Variants in SORCS3 observed in about 807,000 individuals in gnomAD.
SORCS3 encodes the protein sortilin related VPS10 domain containing receptor 3.
SORCS3 carries 57 observed loss-of-function variants against 146.3 expected under a neutral mutation model. That is an observed-to-expected ratio of 0.39 (90% CI 0.31 to 0.49). SORCS3 has a LOEUF of 0.49. Ranked by LOEUF, SORCS3 falls within the 20% of genes least tolerant of loss-of-function variation. The pLI is 0.92. For missense variants in SORCS3, 1,341 were observed against 1,575.5 expected, an observed-to-expected ratio of 0.85 and a Z score of 2.52; for synonymous variants, 653 against 618.5, an observed-to-expected ratio of 1.06 and a Z score of -0.83.
At chr10:105,257,802 C>G (rs2056940075) in intron 25 of SORCS3, among the ~76,000 whole-genome samples, 1 of 152,156 alleles carries the variant, frequency 6.6e-6, no homozygotes, top group Non-Finnish European at 1.5e-5. Flanking sequence ...AAAAGCTATG[C>G]TATTATAAAT....
At chr10:105,046,583 T>C (rs988179237) in intron 5 of SORCS3, among the ~76,000 whole-genome samples, 2 of 152,150 alleles carry the variant, frequency 1.3e-5, no homozygotes, top group African/African-American at 4.8e-5. Flanking sequence ...TGTAAGGAGT[T>C]ATCATTATTA....
rs1359996431 is a variant in SORCS3 at position 104,641,695 on chromosome 10, C to T, written c.368C>T (p.Ala123Val). 4 of 1,534,922 alleles carry T rather than the reference C, an allele frequency of 2.6e-6. No individual in the cohort carries two copies. In the Admixed American group the frequency reaches 7.9e-5, roughly 30 times the overall value. ...ERRGRGIPAP[A>V]KLGGARRSRR... is the part of the protein sequence containing the mutation. Reference sequence around the variant, plus strand: ...CGGGGCCGGGGCATCCCAGCTCCTGCCAAGCTTGGCGGCGCGAGGAGGAGT... The same window carrying T: ...CGGGGCCGGGGCATCCCAGCTCCTGTCAAGCTTGGCGGCGCGAGGAGGAGT... Residue 123 changes from alanine (A) to valine (V), a missense_variant, in exon 1 of 27, where the codon GCC becomes GTC. Coordinates refer to ENST00000369701, the MANE Select transcript of SORCS3 (RefSeq NM_014978.3). The surrounding 1 kb of genome is among the most constrained non-coding windows in gnomAD (Gnocchi z 6.4).
chr10:104,658,384 G>C (rs2133245449), intron 1 of SORCS3, among the ~76,000 whole-genome samples: 1 of 152,338 alleles, frequency 6.6e-6, no homozygotes. Context: ...GGTCCTACCT[G>C]TAGATGAAAT....
Position 105,255,783 on chromosome 10 carries a change from G to T in SORCS3, c.3319G>T (p.Val1107Phe). The part of the protein sequence containing the change: ...LKPGVQVIVY[V>F]TQLTLAPLVD... ...GCCGGGGGTACAAGTCATTGTGTAT[G>T]TCACACAGCTGACGTTAGGTGAGTG... Residue 1107 changes from valine to phenylalanine, a missense_variant, in exon 24 of 27, where the codon GTC (valine) becomes TTC (phenylalanine). Val to Phe is a conservative substitution (Grantham distance 50). Coordinates refer to ENST00000369701, the MANE Select transcript of SORCS3 (RefSeq NM_014978.3). 6.2e-7 allele frequency: 1 copy of T among 1,613,506 alleles called. No individual in the cohort carries two copies. The highest frequency in any genetic ancestry group is 8.5e-7 in the Non-Finnish European group (1 of 1,179,690).
intron 1 of SORCS3, among the ~76,000 whole-genome samples, chr10:104,774,535 C>T (rs562638210): frequency 2.6e-5 from 4 of 152,154 alleles, no homozygotes; most frequent in Non-Finnish European, 4.4e-5. Context: ...ATGGCTTTCG[C>T]GGGTGATTAA....
At chr10:104,647,451 A>G (rs1795150924) in intron 1 of SORCS3, among the ~76,000 whole-genome samples, 1 of 152,224 alleles carries the variant, frequency 6.6e-6, no homozygotes, top group Non-Finnish European at 1.5e-5. Flanking sequence ...TGCAGAGTGC[A>G]CCACACATTT....
chr10:105,102,424 T>G (rs1589633556), intron 6 of SORCS3, among the ~76,000 whole-genome samples: 1 of 152,020 alleles, frequency 6.6e-6, no homozygotes, highest in Admixed American at 6.6e-5. Context: ...AAACTAACAC[T>G]GGAACAGAAA....
At chr10:104,655,620 C>G (rs1442344873) in intron 1 of SORCS3, among the ~76,000 whole-genome samples, 1 of 152,114 alleles carries the variant, frequency 6.6e-6, no homozygotes, top group Non-Finnish European at 1.5e-5. Context: ...AAATTGTAAT[C>G]CCCATTGTTG....
At chr10:105,234,400 T>G (rs749842208) in intron 20 of SORCS3, among the ~76,000 whole-genome samples, 86 of 152,178 alleles carry the variant, frequency 5.7e-4, no homozygotes, top group Non-Finnish European at 1.1e-3. Flanking sequence ...CTCTGAGTTT[T>G]GAGTGTCTGT....
intron 19 of SORCS3, among the ~76,000 whole-genome samples, chr10:105,222,171 G>C (rs2056707599): frequency 6.8e-6 from 1 of 146,596 alleles, no homozygotes; most frequent in African/African-American, 2.5e-5. Flanking sequence ...TGATTCTCCT[G>C]CCTCAGCCTC....
At chr10:104,716,729 C>T (rs973110968) in intron 1 of SORCS3, among the ~76,000 whole-genome samples, 4 of 152,142 alleles carry the variant, frequency 2.6e-5, no homozygotes, top group Non-Finnish European at 4.4e-5. Flanking sequence ...TGGTTGTCTG[C>T]GGAATGTTTT....
chr10:104,667,910 T>C (rs1401774635), intron 1 of SORCS3, among the ~76,000 whole-genome samples: 1 of 152,228 alleles, frequency 6.6e-6, no homozygotes, highest in Non-Finnish European at 1.5e-5. Context: ...TGGTGCCCCA[T>C]GTGGCAATAG....
chr10:105,206,327 A>C (rs977061177), intron 16 of SORCS3, among the ~76,000 whole-genome samples: 3 of 152,348 alleles, frequency 2.0e-5, no homozygotes, highest in Admixed American at 6.5e-5. Context: ...AAAATGAAAT[A>C]AAAAATGTTA....
intron 3 of SORCS3, among the ~76,000 whole-genome samples, chr10:104,950,382 T>A (rs2019415893): frequency 6.6e-6 from 1 of 152,176 alleles, no homozygotes; most frequent in Non-Finnish European, 1.5e-5. Flanking sequence ...ATCTAGGGTA[T>A]GTTGCTTAAT....
chr10:105,059,078 T>A (rs1392440217), intron 5 of SORCS3, among the ~76,000 whole-genome samples: 1 of 152,138 alleles, frequency 6.6e-6, no homozygotes, highest in Non-Finnish European at 1.5e-5. Flanking sequence ...CTCCTGGCAA[T>A]GCCTTTGTAC....
chr10:104,864,361 G>C (rs1036327975), intron 2 of SORCS3, among the ~76,000 whole-genome samples: 1 of 152,178 alleles, frequency 6.6e-6, no homozygotes, highest in African/African-American at 2.4e-5. Context: ...TGGGGTGACT[G>C]GATGAATATG....
chr10:104,889,363 A>C (rs2018725296), intron 2 of SORCS3, among the ~76,000 whole-genome samples: 1 of 142,450 alleles, frequency 7.0e-6, no homozygotes. Flanking sequence ...TAATGTAATT[A>C]TTGATGTTTT....
chr10:104,807,073 T>C (rs1200273847), intron 1 of SORCS3, among the ~76,000 whole-genome samples: 10 of 136,858 alleles, frequency 7.3e-5, no homozygotes, highest in Non-Finnish European at 1.7e-5. Flanking sequence ...AGAATGCCTC[T>C]GGGAAAATCT....
At chr10:105,009,741 T>C (rs1290822928) in intron 4 of SORCS3, among the ~76,000 whole-genome samples, 1 of 137,526 alleles carries the variant, frequency 7.3e-6, no homozygotes, top group African/African-American at 2.6e-5. Context: ...ACTTTTTCAC[T>C]TTTTTTTTCA....
Sources: allele counts gnomAD v4.1 joint callset (sites outside exome capture counted in the v4.1 genomes callset), GRCh38; gene constraint gnomAD v4.1.1; non-coding constraint Gnocchi (gnomAD v3.1); transcripts MANE v1.5; gene names NCBI Gene and HGNC (gene_info 2026-07-23, HGNC 2026-07-21).